The following CFAP210 variants were observed in gnomAD, a reference collection of about 807,000 sequenced individuals.
CFAP210 encodes cilia- and flagella- associated protein 210.
the CFAP210 span, among the ~76,000 whole-genome samples, chr2:169,672,063 G>A: frequency 6.6e-6 from 1 of 152,022 alleles, no homozygotes; most frequent in Non-Finnish European, 1.5e-5. Context: ...TTTTTTATAG[G>A]TTCATCCCTA....
the CFAP210 span, among the ~76,000 whole-genome samples, chr2:169,684,897 C>T: frequency 1.3e-5 from 2 of 152,194 alleles, no homozygotes; most frequent in Non-Finnish European, 2.9e-5. Context: ...CTCAAGTGAT[C>T]CACCTGCCTT....
At chr2:169,666,368 G>A in the CFAP210 span, among the ~76,000 whole-genome samples, 2 of 149,542 alleles carry the variant, frequency 1.3e-5, no homozygotes, top group South Asian at 4.5e-4. Flanking sequence ...AACAAATAAA[G>A]TACAGGCATA....
the CFAP210 span, among the ~76,000 whole-genome samples, chr2:169,655,122 A>G: frequency 6.6e-6 from 1 of 152,222 alleles, no homozygotes; most frequent in Admixed American, 6.5e-5. Flanking sequence ...TGAGCACAAT[A>G]GCCTGAATAT....
At chr2:169,649,787 C>A in the CFAP210 span, among the ~76,000 whole-genome samples, 1 of 151,920 alleles carries the variant, frequency 6.6e-6, no homozygotes, top group Non-Finnish European at 1.5e-5. Context: ...CAAAATTAGC[C>A]AGTCATGGTG....
chr2:169,665,617 C>T, the CFAP210 span, among the ~76,000 whole-genome samples: 2 of 152,112 alleles, frequency 1.3e-5, no homozygotes, highest in Non-Finnish European at 2.9e-5. Flanking sequence ...AAATACGTTG[C>T]CAGTGAGGCA....
chr2:169,689,220 T>G, the CFAP210 span, among the ~76,000 whole-genome samples: 1 of 152,244 alleles, frequency 6.6e-6, no homozygotes, highest in African/African-American at 2.4e-5. Context: ...CAATTCAAGT[T>G]GAGATTTGGG....
At chr2:169,672,714 C>T in the CFAP210 span, among the ~76,000 whole-genome samples, 1 of 152,156 alleles carries the variant, frequency 6.6e-6, no homozygotes, top group South Asian at 2.1e-4. Flanking sequence ...TCTAGCTGTG[C>T]CGGCAGCCGA....
At chr2:169,681,352 CTT>C in the CFAP210 span, 28 of 794,788 alleles carry the variant, frequency 3.5e-5, no homozygotes, top group South Asian at 3.9e-4. Context: ...TTAATTTACT[CTT>C]GTTATCCTAA....
At chr2:169,656,745 C>A in the CFAP210 span, among the ~76,000 whole-genome samples, 1 of 151,778 alleles carries the variant, frequency 6.6e-6, no homozygotes, top group Admixed American at 6.6e-5. Context: ...AGGCAGATCA[C>A]CTGAGGTCAG....
the CFAP210 span, among the ~76,000 whole-genome samples, chr2:169,677,883 C>G: frequency 6.6e-6 from 1 of 152,044 alleles, no homozygotes; most frequent in African/African-American, 2.4e-5. Flanking sequence ...GATACCAGAT[C>G]AATACAGGAA....
At chr2:169,649,768 C>T in the CFAP210 span, among the ~76,000 whole-genome samples, 1 of 151,980 alleles carries the variant, frequency 6.6e-6, no homozygotes, top group Non-Finnish European at 1.5e-5. Context: ...GCTGTCTCTA[C>T]TAAAAATACA....
At chr2:169,673,813 G>A in the CFAP210 span, among the ~76,000 whole-genome samples, 2 of 152,114 alleles carry the variant, frequency 1.3e-5, no homozygotes, top group East Asian at 3.9e-4. Context: ...TTGAGTGGTA[G>A]TTATGCAGCT....
At chr2:169,673,507 G>C in the CFAP210 span, among the ~76,000 whole-genome samples, 3 of 152,036 alleles carry the variant, frequency 2.0e-5, no homozygotes, top group African/African-American at 7.2e-5. Context: ...GGACTGAATT[G>C]AAAAATACAC....
At chr2:169,662,983 A>G in the CFAP210 span, among the ~76,000 whole-genome samples, 1 of 152,332 alleles carries the variant, frequency 6.6e-6, no homozygotes, top group South Asian at 2.1e-4. Context: ...TTCCTCAGAG[A>G]TCCCTGAGGG....
At chr2:169,672,569 G>C in the CFAP210 span, among the ~76,000 whole-genome samples, 1 of 152,206 alleles carries the variant, frequency 6.6e-6, no homozygotes, top group Non-Finnish European at 1.5e-5. Context: ...GCAAGTCCCA[G>C]AGTCTAATGA....
the CFAP210 span, among the ~76,000 whole-genome samples, chr2:169,677,888 C>T: frequency 3.3e-5 from 5 of 152,114 alleles, no homozygotes; most frequent in Admixed American, 6.5e-5. Flanking sequence ...CAGATCAATA[C>T]AGGAAAAATT....
chr2:169,648,522 A>C, the CFAP210 span, among the ~76,000 whole-genome samples: 1 of 152,214 alleles, frequency 6.6e-6, no homozygotes, highest in African/African-American at 2.4e-5. Flanking sequence ...CCAATTAAAA[A>C]TTGGCAACAC....
the CFAP210 span, among the ~76,000 whole-genome samples, chr2:169,684,648 C>CATT: frequency 1.3e-5 from 2 of 151,434 alleles, no homozygotes; most frequent in African/African-American, 4.9e-5. Flanking sequence ...GATTCCTTTT[C>CATT]GTTGTTGTTG....
the CFAP210 span, among the ~76,000 whole-genome samples, chr2:169,694,085 G>A: frequency 1.3e-5 from 2 of 152,122 alleles, no homozygotes; most frequent in Non-Finnish European, 2.9e-5. Flanking sequence ...CCATTCACCT[G>A]AGGGCAAGAC....
Sources: gnomAD v4.1 joint callset for allele counts (sites outside exome capture counted in the v4.1 genomes callset) on GRCh38, gnomAD v4.1.1 for gene constraint, MANE v1.5 for transcripts, NCBI Gene and HGNC (gene_info 2026-07-23, HGNC 2026-07-21) for gene names.